Variants in FANCM observed in about 807,000 individuals in gnomAD.
FANCM encodes FA complementation group M.
A neutral mutation model predicts 199.5 loss-of-function variants in FANCM; 140 were observed. The ratio of observed to expected loss-of-function variants is 0.70; its 90% confidence interval spans 0.61 to 0.81. FANCM has a LOEUF of 0.81. Ranked by LOEUF, FANCM falls within the 30% of genes least tolerant of loss-of-function variation. The pLI is 0.00. For synonymous variants in FANCM, 840 were observed against 836.8 expected (o/e 1.00, Z -0.07); for missense variants, 2,410 against 2,421.4 (o/e 1.00, Z 0.10).
Position 45,198,629 on chromosome 14 carries a change from A to T in FANCM, c.5717-15A>T, listed in dbSNP as rs1476368181. ...AGTTACTGAAGTTTGCCTTTCCCTAAATATGAATATTTAGGAGACACATCA... is the reference window on the plus strand; with the variant it reads ...AGTTACTGAAGTTTGCCTTTCCCTATATATGAATATTTAGGAGACACATCA... On this transcript the variant is annotated splice_polypyrimidine_tract_variant and intron_variant, in intron 21 of 22. Transcript: ENST00000267430. The T allele has an allele frequency of 6.3e-7, 1 of 1,595,872 alleles. No homozygotes were observed. Among genetic ancestry groups the T allele is most frequent in the African/African-American group, 1.3e-5 (1 of 74,610 alleles).
intron 3 of FANCM, among the ~76,000 whole-genome samples, chr14:45,143,303 A>G (rs1000860316): frequency 2.0e-5 from 3 of 151,706 alleles, no homozygotes; most frequent in Non-Finnish European, 4.4e-5. Context: ...AGGAGCTGGG[A>G]CTACAGGTGC....
chr14:45,197,343 T>G (rs1890115687), intron 21 of FANCM, among the ~76,000 whole-genome samples: 1 of 152,212 alleles, frequency 6.6e-6, no homozygotes, highest in African/African-American at 2.4e-5. Context: ...ATACTTTTGG[T>G]AATAGTGTAG....
chr14:45,148,200 A>C lies in FANCM; in HGVS notation c.760-637A>C, dbSNP rs112426820. Among the ~76,000 whole-genome samples, 681 of 142,420 alleles carry C rather than the reference A, an allele frequency of 4.8e-3. 4 individuals are homozygous for C. Among genetic ancestry groups the C allele is most frequent in the African/African-American group, 0.014 (520 of 38,434 alleles). The allele number at this position is 142,420 out of a possible 152,430, so 93.4% of individuals were successfully genotyped here. The stretch of plus-strand genomic sequence containing the variant: ...TGACAGAACGAGGCACCGTCTCAAA[A>C]ACACACACACACACACACACACACA... On this transcript the variant is annotated intron_variant, in intron 3 of 22. Coordinates refer to ENST00000267430, the MANE Select transcript of FANCM (RefSeq NM_020937.4).
intron 5 of FANCM, among the ~76,000 whole-genome samples, 155 bp downstream of exon 5, chr14:45,151,683 GGGAGGCC>G: frequency 6.6e-6 from 1 of 152,190 alleles, no homozygotes; most frequent in Non-Finnish European, 1.5e-5. Flanking sequence ...CTAACAGTTT[GGGAGGCC>G]AAGGTGGGAG....
chr14:45,158,430 A>C, intron 8 of FANCM, among the ~76,000 whole-genome samples: 1 of 134,510 alleles, frequency 7.4e-6, no homozygotes, highest in Non-Finnish European at 1.6e-5. Context: ...CCACCCCCCT[A>C]CCTCACCCGC....
At chr14:45,195,945 T>C (rs974684012) in intron 20 of FANCM, among the ~76,000 whole-genome samples, 2 of 152,228 alleles carry the variant, frequency 1.3e-5, no homozygotes, top group African/African-American at 4.8e-5. Flanking sequence ...CTTTCTGCTA[T>C]TTCTTTACAT....
chr14:45,195,808 T>G (rs1387811917), intron 20 of FANCM, among the ~76,000 whole-genome samples: 1 of 152,232 alleles, frequency 6.6e-6, no homozygotes, highest in African/African-American at 2.4e-5. Context: ...TCTGGTTTCC[T>G]TATTCTTCAT....
At chr14:45,155,545 C>A in intron 8 of FANCM, 86 bp downstream of exon 8, 2 of 731,008 alleles carry the variant, frequency 2.7e-6, no homozygotes, top group Non-Finnish European at 4.9e-6. Context: ...GTGGTTCACA[C>A]CTGTAATCCC....
chr14:45,196,095 T>A (rs1171865378), intron 20 of FANCM, 77 bp from the exon 21 acceptor site: 3 of 1,463,700 alleles, frequency 2.0e-6, no homozygotes, highest in African/African-American at 2.8e-5. Flanking sequence ...TTAAGGATAA[T>A]CAACTTCGGG....
chr14:45,169,071 G>T (rs945549557), intron 11 of FANCM, among the ~76,000 whole-genome samples: 1 of 151,816 alleles, frequency 6.6e-6, no homozygotes, highest in Non-Finnish European at 1.5e-5. Flanking sequence ...ACAGGCACAT[G>T]CCACCACACC....
chr14:45,187,575 T>C (rs1277919224), intron 18 of FANCM, among the ~76,000 whole-genome samples: 1 of 152,180 alleles, frequency 6.6e-6, no homozygotes, highest in Non-Finnish European at 1.5e-5. Context: ...ATCACTCAAC[T>C]AGAAAATCTG....
chr14:45,173,060 A>G lies in FANCM; in HGVS notation c.2166A>G (p.Gln722=). 3 of 1,606,484 alleles carry G rather than the reference A, an allele frequency of 1.9e-6. No homozygotes were observed. Among genetic ancestry groups the G allele is most frequent in the Non-Finnish European group, 2.6e-6 (3 of 1,173,130 alleles). ...SLQNEENKPA[Q]ESTTGIHQLS... ...TTACTTTTTAAATAATTAAGGCTCA[A>G]GAATCAACCACTGGAATTCATCAAC... Residue 722 remains glutamine, a synonymous_variant, in exon 13 of 23, where the codon CAA becomes CAG. Transcript: ENST00000267430.
chr14:45,200,778 T>C lies in FANCM; in HGVS notation c.*770T>C, dbSNP rs931343323. On this transcript the variant is annotated 3_prime_UTR_variant, in exon 23 of 23. Transcript: ENST00000267430. Reference sequence around the variant, plus strand: ...TTCACTCTGCAGTTCTCTTGCCTACTGCCATGTGGAAAAGGAAACGTTTGC... The same window carrying C: ...TTCACTCTGCAGTTCTCTTGCCTACCGCCATGTGGAAAAGGAAACGTTTGC... 6.6e-6 allele frequency: 1 copy of C among 152,232 alleles called. No individual in the cohort carries two copies. Among genetic ancestry groups the C allele is most frequent in the East Asian group, 1.9e-4 (1 of 5,190 alleles). The allele number at this position is 152,232 out of a possible 1,614,324, so 9.4% of individuals were successfully genotyped here.
chr14:45,162,756 T>G (rs1887693268), intron 9 of FANCM, among the ~76,000 whole-genome samples: 1 of 152,204 alleles, frequency 6.6e-6, no homozygotes, highest in Admixed American at 6.5e-5. Flanking sequence ...ATATCAATCT[T>G]AAGCATGGAA....
intron 3 of FANCM, among the ~76,000 whole-genome samples, chr14:45,141,975 T>G (rs915371255): frequency 7.9e-5 from 12 of 152,082 alleles, no homozygotes; most frequent in African/African-American, 2.9e-4. Context: ...TATTTTTAAA[T>G]AGTAAAATGA....
chr14:45,170,612 A>G lies in FANCM; in HGVS notation c.2026A>G (p.Lys676Glu), dbSNP rs1382832768. 1 of 1,599,762 alleles carries G rather than the reference A, an allele frequency of 6.3e-7. No homozygotes were observed. Among genetic ancestry groups the G allele is most frequent in the South Asian group, 1.1e-5 (1 of 90,686 alleles). Reference sequence around the variant, plus strand: ...AGGAATGAGGCAAAGTAGCCTAAAGAAAGATTGGTTCTTATCAGAAGAAGA... The same window carrying G: ...AGGAATGAGGCAAAGTAGCCTAAAGGAAGATTGGTTCTTATCAGAAGAAGA... ...RDGMRQSSLK[K>E]DWFLSEEEFK... Residue 676 changes from lysine to glutamate, a missense_variant, in exon 12 of 23, where the codon AAA becomes GAA. Physicochemically the swap from Lys to Glu is moderately conservative, Grantham distance 56. Transcript: ENST00000267430.
At chr14:45,171,447 A>G (rs566253400) in intron 12 of FANCM, among the ~76,000 whole-genome samples, 3 of 152,000 alleles carry the variant, frequency 2.0e-5, no homozygotes, top group African/African-American at 7.2e-5. Context: ...ACTGCACCCA[A>G]TGTATAGTCT....
At chr14:45,146,097 C>T (rs1236783853) in intron 3 of FANCM, among the ~76,000 whole-genome samples, 8 of 149,232 alleles carry the variant, frequency 5.4e-5, no homozygotes, top group African/African-American at 7.5e-5. Context: ...AAATATTAGC[C>T]GGGCGTGGTG....
chr14:45,159,155 C>T lies in FANCM; in HGVS notation c.1456C>T (p.Arg486Ter), dbSNP rs1011870043. The change falls in exon 9 of 23, where the codon CGA becomes TGA. Residue 486 changes from arginine (R) to a stop codon, truncating the protein, a stop_gained. Coordinates refer to ENST00000267430, the MANE Select transcript of FANCM (RefSeq NM_020937.4). LOFTEE classifies it high-confidence loss of function. Reference protein sequence around the residue: ...ETRVMIFSSFRDSVQEIAEML... With the variant: ...ETRVMIFSSF Reference sequence around the variant, plus strand: ...CCGAGTTATGATCTTCTCTTCATTTCGAGATAGTGTTCAAGAAATTGCAGA... The same window carrying T: ...CCGAGTTATGATCTTCTCTTCATTTTGAGATAGTGTTCAAGAAATTGCAGA... The T allele has an allele frequency of 2.7e-5, 43 of 1,612,758 alleles. No individual in the cohort carries two copies. Among genetic ancestry groups the T allele is most frequent in the Non-Finnish European group, 3.1e-5 (37 of 1,179,082 alleles).
Sources: gnomAD v4.1 joint callset for allele counts (sites outside exome capture counted in the v4.1 genomes callset) on GRCh38, gnomAD v4.1.1 for gene constraint, MANE v1.5 for transcripts, NCBI Gene and HGNC (gene_info 2026-07-23, HGNC 2026-07-21) for gene names.